RBFOX1: variants seen among roughly 807,000 people sequenced by gnomAD.
The protein encoded by RBFOX1 is RNA binding protein fox-1 homolog 1.
Under a neutral mutation model 57.7 loss-of-function variants are expected in RBFOX1, and 8 were observed. That is an observed-to-expected ratio of 0.14 (90% CI 0.08 to 0.25). The LOEUF (loss-of-function observed/expected upper bound fraction) is 0.25, where lower values mean the gene tolerates loss of function less well. Among genes scored for constraint, RBFOX1 ranks in the 10% least tolerant of loss-of-function variants. The pLI, the probability that RBFOX1 is intolerant of heterozygous loss-of-function variation, is 1.00. For synonymous variants in RBFOX1, 326 were observed against 222.4 expected, an observed-to-expected ratio of 1.47 and a Z score of -4.15; for missense variants, 611 against 548.5, an observed-to-expected ratio of 1.11 and a Z score of -1.14.
intron 2 of RBFOX1, among the ~76,000 whole-genome samples, chr16:5,534,467 C>A (rs147519969): frequency 2.0e-4 from 30 of 152,202 alleles, no homozygotes; most frequent in African/African-American, 7.2e-4. Flanking sequence ...GTGGAAGGTG[C>A]GAGAGACCCC....
intron 1 of RBFOX1, among the ~76,000 whole-genome samples, chr16:5,352,244 G>A (rs1389685860): frequency 6.6e-6 from 1 of 152,188 alleles, no homozygotes; most frequent in African/African-American, 2.4e-5. Context: ...CACCCTGGGA[G>A]TGGCTGGGAG....
At chr16:7,033,633 C>G (rs1346018832) in intron 3 of RBFOX1, among the ~76,000 whole-genome samples, 1 of 152,118 alleles carries the variant, frequency 6.6e-6, no homozygotes, top group East Asian at 1.9e-4. Context: ...TGTGGGGCAA[C>G]TTAACAGAAA....
intron 3 of RBFOX1, among the ~76,000 whole-genome samples, chr16:5,638,141 A>G (rs537587099): frequency 6.6e-6 from 1 of 152,322 alleles, no homozygotes; most frequent in Admixed American, 6.5e-5. Context: ...AGCATTTTAC[A>G]TATGTGATTA....
At chr16:6,147,637 T>C (rs890705760) in intron 1 of RBFOX1, among the ~76,000 whole-genome samples, 3 of 151,976 alleles carry the variant, frequency 2.0e-5, no homozygotes, top group Admixed American at 6.6e-5. Context: ...GCCATCAAGG[T>C]TGGGGAAAAA....
intron 3 of RBFOX1, among the ~76,000 whole-genome samples, chr16:6,853,816 C>G (rs188985405): frequency 6.6e-6 from 1 of 152,178 alleles, no homozygotes; most frequent in East Asian, 1.9e-4. Context: ...ATTTCCTCCC[C>G]AACGGATGAC....
intron 4 of RBFOX1, among the ~76,000 whole-genome samples, chr16:5,980,329 G>C (rs924002568): frequency 4.6e-5 from 7 of 152,214 alleles, no homozygotes; most frequent in African/African-American, 7.2e-5. Context: ...CGGCAGAACG[G>C]TATAGATGGT....
intron 3 of RBFOX1, among the ~76,000 whole-genome samples, chr16:6,705,784 G>C (rs11860129): frequency 0.091 from 13,842 of 152,158 alleles, 745 homozygotes; most frequent in African/African-American, 0.14. Context: ...TTGGGAGCCC[G>C]AGGCAGGCAG....
intron 5 of RBFOX1, among the ~76,000 whole-genome samples, chr16:7,531,104 G>A (rs573793096): frequency 6.6e-6 from 1 of 152,096 alleles, no homozygotes; most frequent in Non-Finnish European, 1.5e-5. Flanking sequence ...TTGCAGATTT[G>A]TTTTGAAAGT....
chr16:5,922,713 A>G (rs2058851251), intron 4 of RBFOX1, among the ~76,000 whole-genome samples: 1 of 152,252 alleles, frequency 6.6e-6, no homozygotes, highest in East Asian at 1.9e-4. Context: ...CCAGATTTCC[A>G]TAAACTCTTC....
intron 1 of RBFOX1, among the ~76,000 whole-genome samples, chr16:5,425,181 C>G (rs1445375146): frequency 6.6e-6 from 1 of 151,452 alleles, no homozygotes; most frequent in African/African-American, 2.4e-5. Flanking sequence ...TCTTGGCTCA[C>G]TGCAACCTCC....
intron 1 of RBFOX1, among the ~76,000 whole-genome samples, chr16:6,106,106 C>G (rs543347623): frequency 9.5e-4 from 145 of 151,956 alleles, no homozygotes; most frequent in African/African-American, 3.2e-3. Context: ...ATAATTGGCT[C>G]CAGGTATAGA....
At chr16:7,107,013 T>G (rs985341939) in intron 4 of RBFOX1, among the ~76,000 whole-genome samples, 4 of 107,652 alleles carry the variant, frequency 3.7e-5, no homozygotes, top group African/African-American at 1.5e-4. Context: ...ACACACTAAA[T>G]GAACAAATGC....
rs78894772 is a variant in RBFOX1, at chr16:6,975,187, A to G, written c.-15-76870A>G. On this transcript the variant is annotated intron_variant, in intron 3 of 15. Transcript: ENST00000550418. Reference sequence around the variant, plus strand: ...GGTTCCTGTGATGGTACTGAGGTAAAGAGAGTGAAGCATCTGCCCGACGCA... The same window carrying G: ...GGTTCCTGTGATGGTACTGAGGTAAGGAGAGTGAAGCATCTGCCCGACGCA... Among the ~76,000 whole-genome samples the G allele has an allele frequency of 5.2e-3, 792 of 152,272 alleles. 4 individuals carry two copies. The highest frequency in any genetic ancestry group is 0.018 in the African/African-American group (740 of 41,548).
At chr16:5,662,340 A>G (rs1439599889) in intron 3 of RBFOX1, among the ~76,000 whole-genome samples, 1 of 152,158 alleles carries the variant, frequency 6.6e-6, no homozygotes, top group Non-Finnish European at 1.5e-5. Context: ...TGTTTGTTGT[A>G]CTAGAAATTA....
At chr16:5,606,611 A>ATAAGACTCACAGACC (rs1478971827) in intron 3 of RBFOX1, among the ~76,000 whole-genome samples, 1 of 152,162 alleles carries the variant, frequency 6.6e-6, no homozygotes, top group Admixed American at 6.5e-5. Flanking sequence ...GTGCCCTCAA[A>ATAAGACTCACAGACC]GCGCTTGCAG....
At chr16:7,186,876 G>T (rs74412748) in intron 4 of RBFOX1, among the ~76,000 whole-genome samples, 2,687 of 150,922 alleles carry the variant, frequency 0.018, 79 homozygotes, top group African/African-American at 0.062. Flanking sequence ...TAGCTCTCTA[G>T]GCCAGGCACA....
chr16:6,854,921 T>G (rs1316437811), intron 3 of RBFOX1, among the ~76,000 whole-genome samples: 2 of 152,066 alleles, frequency 1.3e-5, no homozygotes, highest in East Asian at 3.9e-4. Flanking sequence ...TATTCTGGTT[T>G]CTATATGACA....
intron 3 of RBFOX1, among the ~76,000 whole-genome samples, chr16:6,673,798 A>G (rs958822164): frequency 1.1e-4 from 17 of 152,178 alleles, no homozygotes; most frequent in African/African-American, 4.1e-4. Context: ...ACAAAAAGGC[A>G]GGTGTACATT....
intron 3 of RBFOX1, among the ~76,000 whole-genome samples, chr16:5,763,171 A>G (rs963916247): frequency 1.3e-5 from 2 of 152,224 alleles, no homozygotes; most frequent in East Asian, 3.8e-4. Context: ...TTAGAAGTCC[A>G]TCGTGATTTG....
Sources: allele counts gnomAD v4.1 joint callset (sites outside exome capture counted in the v4.1 genomes callset), GRCh38; gene constraint gnomAD v4.1.1; transcripts MANE v1.5; gene names NCBI Gene and HGNC (gene_info 2026-07-23, HGNC 2026-07-21).